Variants in CASKIN1 observed in about 807,000 individuals in gnomAD.
The protein encoded by CASKIN1 is CASK interacting protein 1.
In CASKIN1, 42 loss-of-function variants were observed where a neutral mutation model predicts 117.5. The observed-to-expected ratio is 0.36, with a 90% CI of 0.28 to 0.46. The LOEUF is 0.46. Among genes scored for constraint, CASKIN1 ranks in the 20% least tolerant of loss-of-function variants. CASKIN1 has a pLI of 1.00. For synonymous variants in CASKIN1, 1,148 were observed against 961.7 expected, an observed-to-expected ratio of 1.19 and a Z score of -3.59; for missense variants, 2,083 against 2,077.3, an observed-to-expected ratio of 1.00 and a Z score of -0.05.
At chr16:2,190,206 T>C (rs748198665) in intron 2 of CASKIN1, 36 bp from the exon 3 acceptor site, 1 of 1,608,652 alleles carries the variant, frequency 6.2e-7, no homozygotes, top group South Asian at 1.1e-5. Context: ...GCAGAGGCCC[T>C]GGCGCCCCGG....
chr16:2,195,462 A>G (rs989934547), intron 1 of CASKIN1, among the ~76,000 whole-genome samples: 1 of 152,214 alleles, frequency 6.6e-6, no homozygotes, highest in Non-Finnish European at 1.5e-5. Flanking sequence ...ACACGGCTAT[A>G]CGTGCGCAGC....
In CASKIN1 at chr16:2,184,859, C is replaced by T. The variant is rs769964219; in HGVS notation, c.1334G>A (p.Arg445Gln). The change falls in exon 14 of 20, where the codon CGG becomes CAG. Residue 445 changes from arginine (R) to glutamine (Q), a missense_variant. Physicochemically the swap from Arg to Gln is conservative, Grantham distance 43. Around this residue, in one of 3 missense-constraint regions of CASKIN1, gnomAD observed 1,818 missense variants for 1,688.9 expected, o/e 1.08. Transcript: ENST00000343516. ...KPPEGSAGVA[R>Q]SQPPVAHAGQ... ...GGCGTGGGCCACTGGAGGCTGGGAC[C>T]GGGCCACACCTGAGGACGAGAGTGG... The T allele has an allele frequency of 2.2e-5, 35 of 1,565,864 alleles. No individual in the cohort carries two copies. The highest frequency in any genetic ancestry group is 3.5e-5 in the South Asian group (3 of 86,074).
At position 2,191,935 on chromosome 16, in the gene CASKIN1, G is replaced by A. The variant is rs546937776; in HGVS notation, c.95-1577C>T. ...GTGCCATCCCCTCCCCACTGGTGTC[G>A]CTAAGGTCTTCCCACATCCCTCGGT... On this transcript the variant is annotated intron_variant, in intron 1 of 19. Transcript: ENST00000343516. Among the ~76,000 whole-genome samples, 12 of 152,328 alleles carry A rather than the reference G, an allele frequency of 7.9e-5. No individual in the cohort carries two copies. The East Asian group carries it at 1.7e-3, about 22-fold the overall frequency.
chr16:2,177,881 C>T lies in CASKIN1; in HGVS notation c.*669G>A, dbSNP rs1223075239. The T allele has an allele frequency of 1.3e-5, 4 of 297,086 alleles. No homozygotes were observed. Among genetic ancestry groups the T allele is most frequent in the African/African-American group, 2.2e-5 (1 of 45,392 alleles). 18.4% of individuals were successfully genotyped at this position (297,086 alleles called of 1,614,324 possible). A position where few individuals can be genotyped will look rare whatever the true frequency, so the allele number is the denominator to read the frequency against. On this transcript the variant is annotated 3_prime_UTR_variant, in exon 20 of 20. Transcript: ENST00000343516. ...CAGAGCACCCGCCCCCGGGCCCCAG[C>T]CTTCCACCTGTGCTAGCAGCCTGGG...
At chr16:2,195,456 G>A (rs963870625) in intron 1 of CASKIN1, among the ~76,000 whole-genome samples, 3 of 152,334 alleles carry the variant, frequency 2.0e-5, no homozygotes, top group Middle Eastern at 3.4e-3. Context: ...ACACTGACAC[G>A]GCTATACGTG....
chr16:2,192,548 C>T (rs1309789310), intron 1 of CASKIN1, among the ~76,000 whole-genome samples: 5 of 152,196 alleles, frequency 3.3e-5, no homozygotes, highest in Non-Finnish European at 7.3e-5. Flanking sequence ...ATCGGCTGCC[C>T]TGTCCAAGGC....
rs1241909373 is a variant in CASKIN1 at position 2,181,437 on chromosome 16, C to T, written c.1931G>A (p.Cys644Tyr). 6.2e-7 allele frequency: 1 copy of T among 1,612,272 alleles called. No individual in the cohort carries two copies. Among genetic ancestry groups the T allele is most frequent in the South Asian group, 1.1e-5 (1 of 91,052 alleles). Residue 644 changes from cysteine (C) to tyrosine (Y), a missense_variant, in exon 18 of 20, where the codon TGC (cysteine) becomes TAC (tyrosine). Physicochemically the swap from Cys to Tyr is radical, Grantham distance 194. Coordinates refer to ENST00000343516, the MANE Select transcript of CASKIN1 (RefSeq NM_020764.4). Reference protein sequence around the residue: ...PPPPEPTPADCQSPKMTTFQD... With the variant: ...PPPPEPTPADYQSPKMTTFQD... ...GAAGGTGGTCATTTTAGGGGACTGG[C>T]AGTCGGCCGGTGTGGGCTCAGGCGG... is the stretch of plus-strand genomic sequence containing the variant.
chr16:2,183,171 G>A (rs1030861067), intron 16 of CASKIN1, among the ~76,000 whole-genome samples: 5 of 152,234 alleles, frequency 3.3e-5, no homozygotes, highest in East Asian at 3.9e-4. Flanking sequence ...AGGGCCACAC[G>A]TGCGGTGGAG....
chr16:2,178,917 T>A lies in CASKIN1; in HGVS notation c.4184A>T (p.Asp1395Val), dbSNP rs2093155846. The A allele has an allele frequency of 6.8e-7, 1 of 1,481,460 alleles. No individual in the cohort carries two copies. 91.8% of individuals were successfully genotyped at this position (1,481,460 alleles called of 1,614,324 possible). A position where few individuals can be genotyped will look rare whatever the true frequency, so the allele number is the denominator to read the frequency against. ...QAVEEKIRQE[D>V]AQGPRDSAAE... The stretch of plus-strand genomic sequence containing the variant: ...CCGCACCTACCGCGGGCCCTGCGCG[T>A]CCTCCTGCCGGATCTTCTCCTCCAC... The change falls in exon 19 of 20, where the codon GAC becomes GTC. Residue 1395 changes from aspartate (D) to valine (V), a missense_variant. Around this residue, in one of 3 missense-constraint regions of CASKIN1, gnomAD observed 1,818 missense variants for 1,688.9 expected, o/e 1.08. Transcript: ENST00000343516.
At position 2,181,187 on chromosome 16, in the gene CASKIN1, G is replaced by A. The variant is rs759343193; in HGVS notation, c.2181C>T (p.Tyr727=). 7 of 1,552,504 alleles carry A rather than the reference G, an allele frequency of 4.5e-6. No homozygotes were observed. The African/African-American group carries it at 9.7e-5, about 21-fold the overall frequency. The change falls in exon 18 of 20, where the codon TAC becomes TAT. Residue 727 remains tyrosine, a synonymous_variant. Coordinates refer to ENST00000343516, the MANE Select transcript of CASKIN1 (RefSeq NM_020764.4). ...PSSPMSRSQE[Y]LLDEGPAPGT... is the part of the protein sequence containing the mutation. ...CGGGGGCGGGGCCCTCATCCAGGAG[G>A]TACTCCTGGCTTCGAGACATGGGGC... is the stretch of plus-strand genomic sequence containing the variant.
intron 10 of CASKIN1, 50 bp from the exon 11 acceptor site, chr16:2,185,458 C>T: frequency 1.4e-6 from 2 of 1,476,496 alleles, no homozygotes; most frequent in Non-Finnish European, 1.8e-6. Flanking sequence ...ATGGCGGGTA[C>T]TGACGCAGGG....
Position 2,179,263 on chromosome 16 carries a change from C to T in CASKIN1, c.3838G>A (p.Ala1280Thr). 8.3e-7 allele frequency: 1 copy of T among 1,209,588 alleles called. No homozygotes were observed. Among genetic ancestry groups the T allele is most frequent in the Non-Finnish European group, 1.0e-6 (1 of 975,014 alleles). 74.9% of individuals were successfully genotyped at this position (1,209,588 alleles called of 1,614,324 possible). The change falls in exon 19 of 20, where the codon GCG (alanine) becomes ACG (threonine). Residue 1280 changes from alanine to threonine, a missense_variant. Ala to Thr is a moderately conservative substitution (Grantham distance 58). This residue lies in a region of CASKIN1 where 1,818 missense variants were observed against 1,688.9 expected (regional missense o/e 1.08). Transcript: ENST00000343516. The surrounding 1 kb of genome is among the most constrained non-coding windows in gnomAD (Gnocchi z 5.8). ...GCGACCGCCTTGACGGGCTTGGGCG[C>T]TGTGGGCGGCGGCGGCGGCTTGGGA... ...VSPKPPPPPT[A>T]PKPVKAVAGL... is the part of the protein sequence containing the mutation.
rs760948786 is a variant in CASKIN1, at chr16:2,180,784, T to G, written c.2584A>C (p.Thr862Pro). The G allele has an allele frequency of 7.1e-7, 1 of 1,411,562 alleles. No individual in the cohort carries two copies. The highest frequency in any genetic ancestry group is 9.2e-7 in the Non-Finnish European group (1 of 1,091,586). 87.4% of individuals were successfully genotyped at this position (1,411,562 alleles called of 1,614,324 possible). A position where few individuals can be genotyped will look rare whatever the true frequency, so the allele number is the denominator to read the frequency against. Reference protein sequence around the residue: ...APPPVPTAVPTLCLPPEADAE... With the variant: ...APPPVPTAVPPLCLPPEADAE... The stretch of plus-strand genomic sequence containing the variant: ...TCGGCCTCAGGGGGCAGGCACAGTG[T>G]GGGCACAGCCGTCGGCACGGGTGGG... The change falls in exon 18 of 20, where the codon ACA becomes CCA. Residue 862 changes from threonine to proline, a missense_variant. Transcript: ENST00000343516.
chr16:2,195,093 T>C (rs2093211795), intron 1 of CASKIN1, among the ~76,000 whole-genome samples: 1 of 152,206 alleles, frequency 6.6e-6, no homozygotes, highest in South Asian at 2.1e-4. Context: ...CTCTCCAGGC[T>C]CAGCTGAGGC....
intron 6 of CASKIN1, 97 bp from the exon 7 acceptor site, chr16:2,187,558 C>A: frequency 1.1e-6 from 1 of 952,018 alleles, no homozygotes; most frequent in South Asian, 1.4e-5. Context: ...CCCCAGCAGT[C>A]AGCTTGGGGG....
rs1440574492 is a variant in CASKIN1, at chr16:2,179,379, C to T, written c.3776-54G>A. The T allele has an allele frequency of 3.7e-6, 5 of 1,336,666 alleles. No individual in the cohort carries two copies. Among genetic ancestry groups the T allele is most frequent in the Non-Finnish European group, 4.8e-6 (5 of 1,050,614 alleles). The allele number at this position is 1,336,666 out of a possible 1,614,324, so 82.8% of individuals were successfully genotyped here. A position where few individuals can be genotyped will look rare whatever the true frequency, so the allele number is the denominator to read the frequency against. On this transcript the variant is annotated intron_variant, in intron 18 of 19. Transcript: ENST00000343516. The surrounding 1 kb of genome is among the most constrained non-coding windows in gnomAD (Gnocchi z 5.8). ...CGGGCACGAGTTCCGCCGCCGCGCCCCCTGCCCCAGCCTCCCGCGGCTTCC... is the reference window on the plus strand; with the variant it reads ...CGGGCACGAGTTCCGCCGCCGCGCCTCCTGCCCCAGCCTCCCGCGGCTTCC...
rs1354026739 is a variant in CASKIN1, at chr16:2,179,729, C to T, written c.3639G>A (p.Pro1213=). 4.0e-5 allele frequency: 56 copies of T among 1,409,092 alleles called. 1 individual carries two copies. The highest frequency in any genetic ancestry group is 1.2e-4 in the African/African-American group (8 of 67,398). The allele number at this position is 1,409,092 out of a possible 1,614,324, so 87.3% of individuals were successfully genotyped here. A position where few individuals can be genotyped will look rare whatever the true frequency, so the allele number is the denominator to read the frequency against. Residue 1213 remains proline, a synonymous_variant, in exon 18 of 20, where the codon CCG becomes CCA. Transcript: ENST00000343516. This position sits in a 1 kb window ranked among gnomAD's most constrained non-coding sequence, Gnocchi z 5.8. ...CCGGCTTCCGGGCTTCGCCCTCGGGCGGGGGCAATGGGGGTAGGTGCGCCA... is the reference window on the plus strand; with the variant it reads ...CCGGCTTCCGGGCTTCGCCCTCGGGTGGGGGCAATGGGGGTAGGTGCGCCA... ...TDLAHLPPLP[P]PEGEARKPAK... is the part of the protein sequence containing the mutation.
intron 19 of CASKIN1, 104 bp downstream of exon 19, chr16:2,178,798 G>A: frequency 8.4e-7 from 1 of 1,185,662 alleles, no homozygotes; most frequent in South Asian, 2.0e-5. Flanking sequence ...GCCCATCTCT[G>A]CCGAGCCCCG....
At chr16:2,194,011 C>T (rs1009651046) in intron 1 of CASKIN1, among the ~76,000 whole-genome samples, 2 of 152,028 alleles carry the variant, frequency 1.3e-5, no homozygotes, top group African/African-American at 4.8e-5. Flanking sequence ...TCCCTCTCCA[C>T]GAGGTCCCTA....
Sources: allele counts gnomAD v4.1 joint callset (sites outside exome capture counted in the v4.1 genomes callset), GRCh38; gene constraint gnomAD v4.1.1; regional missense constraint gnomAD v4.1.1; non-coding constraint Gnocchi (gnomAD v3.1); transcripts MANE v1.5; gene names NCBI Gene and HGNC (gene_info 2026-07-23, HGNC 2026-07-21).